PGGT1B: variants seen among roughly 807,000 people sequenced by gnomAD.
PGGT1B encodes the protein protein geranylgeranyltransferase type I subunit beta, also known as geranylgeranyl transferase type-1 subunit beta.
A neutral mutation model predicts 46.1 loss-of-function variants in PGGT1B; 30 were observed. The ratio of observed to expected loss-of-function variants is 0.65; its 90% CI spans 0.49 to 0.88. PGGT1B has a LOEUF of 0.88. PGGT1B is among the 40% of genes least tolerant of loss of function. The pLI, the probability that PGGT1B is intolerant of heterozygous loss-of-function variation, is 0.00. For synonymous variants in PGGT1B, 170 were observed against 160.0 expected, an observed-to-expected ratio of 1.06 and a Z score of -0.47; for missense variants, 376 against 455.9, an observed-to-expected ratio of 0.82 and a Z score of 1.60.
At position 115,212,374 on chromosome 5, in the gene PGGT1B, T is replaced by TACCCC; in HGVS notation, c.*27_*28insGGGGT. On this transcript the variant is annotated 3_prime_UTR_variant, in exon 9 of 9. Coordinates refer to ENST00000419445, the MANE Select transcript of PGGT1B (RefSeq NM_005023.4). ...ACTTGAGCTACAGTTATGCTACAAA[T>TACCCC]CCCCCCACCCTCCCAATCTAAAATC... 6.4e-7 allele frequency: 1 copy of TACCCC among 1,554,738 alleles called. No individual in the cohort carries two copies. The highest frequency in any genetic ancestry group is 8.8e-7 in the Non-Finnish European group (1 of 1,131,912).
intron 5 of PGGT1B, among the ~76,000 whole-genome samples, chr5:115,232,243 G>C (rs1352960213): frequency 6.6e-6 from 1 of 152,048 alleles, no homozygotes; most frequent in East Asian, 1.9e-4. Context: ...GAAGAACTAA[G>C]TGAAGGTGAA....
At chr5:115,243,976 G>T (rs1181119962) in intron 2 of PGGT1B, among the ~76,000 whole-genome samples, 2 of 152,146 alleles carry the variant, frequency 1.3e-5, no homozygotes, top group Middle Eastern at 3.4e-3. Context: ...GAACGTTTCT[G>T]TGTTCGTCTG....
At chr5:115,237,802 T>C (rs1243721358) in intron 4 of PGGT1B, 56 bp downstream of exon 4, 8 of 1,468,576 alleles carry the variant, frequency 5.4e-6, no homozygotes, top group Non-Finnish European at 7.5e-6. Flanking sequence ...TATCCATTTT[T>C]TAGTTCCAAT....
chr5:115,231,054 G>A, intron 5 of PGGT1B, 33 bp from the exon 6 acceptor site: 3 of 1,182,702 alleles, frequency 2.5e-6, no homozygotes, highest in South Asian at 1.5e-5. Context: ...AGTTTAATAG[G>A]GAAATAATAA....
chr5:115,230,346 C>A (rs562412155), intron 6 of PGGT1B, among the ~76,000 whole-genome samples: 1 of 152,128 alleles, frequency 6.6e-6, no homozygotes, highest in South Asian at 2.1e-4. Flanking sequence ...CATGACCTGG[C>A]CTTTTTCTTT....
chr5:115,216,209 G>A (rs533827314), intron 8 of PGGT1B, among the ~76,000 whole-genome samples: 7 of 152,076 alleles, frequency 4.6e-5, no homozygotes, highest in Non-Finnish European at 7.4e-5. Flanking sequence ...GTGCAATCTC[G>A]GCTCACTGGA....
intron 1 of PGGT1B, among the ~76,000 whole-genome samples, chr5:115,258,653 C>G (rs1241652486): frequency 6.6e-6 from 1 of 152,202 alleles, no homozygotes; most frequent in African/African-American, 2.4e-5. Flanking sequence ...CAACAAAACA[C>G]TGGAACACAT....
At chr5:115,253,942 G>T (rs1015303172) in intron 1 of PGGT1B, among the ~76,000 whole-genome samples, 3 of 151,904 alleles carry the variant, frequency 2.0e-5, no homozygotes, top group Non-Finnish European at 4.4e-5. Flanking sequence ...TGAACACAAA[G>T]AATTTGTTAT....
intron 8 of PGGT1B, among the ~76,000 whole-genome samples, chr5:115,213,643 C>T (rs1180455733): frequency 4.0e-5 from 6 of 151,598 alleles, no homozygotes; most frequent in African/African-American, 9.7e-5. Flanking sequence ...TGGTGGCGTG[C>T]GCCTGTAGTT....
At chr5:115,259,763 G>C (rs1357910413) in intron 1 of PGGT1B, among the ~76,000 whole-genome samples, 1 of 151,558 alleles carries the variant, frequency 6.6e-6, no homozygotes, top group South Asian at 2.1e-4. Context: ...AGGCAGGAGA[G>C]AGGTTACAAC....
rs370184421 is a variant in PGGT1B, at chr5:115,207,120, A to T, written c.*5282T>A. The stretch of plus-strand genomic sequence containing the variant: ...ATTAAGTTTTCTTTTTACTTTTGCT[A>T]TCACAAAGGTGGTCTTCTCTTCAAG... On this transcript the variant is annotated 3_prime_UTR_variant, in exon 9 of 9. Coordinates refer to ENST00000419445, the MANE Select transcript of PGGT1B (RefSeq NM_005023.4). The T allele has an allele frequency of 6.9e-6, 1 of 144,332 alleles. No homozygotes were observed. Among genetic ancestry groups the T allele is most frequent in the Non-Finnish European group, 1.5e-5 (1 of 66,166 alleles). 8.9% of individuals were successfully genotyped at this position (144,332 alleles called of 1,614,324 possible).
chr5:115,223,432 C>T (rs1756649835), intron 6 of PGGT1B, among the ~76,000 whole-genome samples: 1 of 151,830 alleles, frequency 6.6e-6, no homozygotes, highest in Admixed American at 6.6e-5. Flanking sequence ...GGAGATTAGA[C>T]TAACAGAGAG....
In PGGT1B at chr5:115,205,294, C is replaced by A. The variant is rs1162805773; in HGVS notation, c.*7108G>T. Reference sequence around the variant, plus strand: ...AGATGCAAACATACATGAGTGAGGTCCCATGTACCAATCACCAACTGCTTT... The same window carrying A: ...AGATGCAAACATACATGAGTGAGGTACCATGTACCAATCACCAACTGCTTT... On this transcript the variant is annotated 3_prime_UTR_variant, in exon 9 of 9. Transcript: ENST00000419445. The A allele has an allele frequency of 6.6e-6, 1 of 152,124 alleles. No individual in the cohort carries two copies. The highest frequency in any genetic ancestry group is 1.5e-5 in the Non-Finnish European group (1 of 68,008). The allele number at this position is 152,124 out of a possible 1,614,324, so 9.4% of individuals were successfully genotyped here.
chr5:115,237,756 T>C (rs1757225838), intron 4 of PGGT1B, 102 bp downstream of exon 4: 8 of 954,450 alleles, frequency 8.4e-6, no homozygotes, highest in East Asian at 5.2e-5. Flanking sequence ...GGGGTTCTAA[T>C]AGAGTATGAT....
At chr5:115,259,448 G>A (rs1748456838) in intron 1 of PGGT1B, among the ~76,000 whole-genome samples, 1 of 152,152 alleles carries the variant, frequency 6.6e-6, no homozygotes, top group South Asian at 2.1e-4. Context: ...CCAGCACTTT[G>A]GGAGGCCGAG....
intron 1 of PGGT1B, among the ~76,000 whole-genome samples, chr5:115,258,870 C>T (rs913913227): frequency 2.0e-5 from 3 of 152,214 alleles, no homozygotes; most frequent in Non-Finnish European, 4.4e-5. Context: ...TCACACTCCT[C>T]AGCTATTGCA....
chr5:115,251,830 T>C (rs577567982), intron 2 of PGGT1B, among the ~76,000 whole-genome samples: 86 of 151,536 alleles, frequency 5.7e-4, no homozygotes, highest in Non-Finnish European at 1.5e-4. Context: ...GTACTTATAA[T>C]TAAAAAAAAA....
In PGGT1B at chr5:115,211,528, A is replaced by T. The variant is rs1472551230; in HGVS notation, c.*874T>A. On this transcript the variant is annotated 3_prime_UTR_variant, in exon 9 of 9. Coordinates refer to ENST00000419445, the MANE Select transcript of PGGT1B (RefSeq NM_005023.4). The stretch of plus-strand genomic sequence containing the variant: ...CTGGGGGCAATAAATTAAAAACTTC[A>T]AATGGCTAAAAATGAAAACACAAAG... 1.3e-5 allele frequency: 2 copies of T among 150,420 alleles called. No homozygotes were observed. Among genetic ancestry groups the T allele is most frequent in the Admixed American group, 6.7e-5 (1 of 15,024 alleles). 9.3% of individuals were successfully genotyped at this position (150,420 alleles called of 1,614,324 possible).
chr5:115,252,050 G>A (rs1317971840), intron 2 of PGGT1B, among the ~76,000 whole-genome samples: 1 of 152,068 alleles, frequency 6.6e-6, no homozygotes, highest in Non-Finnish European at 1.5e-5. Context: ...ACTTATCACA[G>A]CTCTTCTCTA....
Sources: gnomAD v4.1 joint callset for allele counts (sites outside exome capture counted in the v4.1 genomes callset) on GRCh38, gnomAD v4.1.1 for gene constraint, MANE v1.5 for transcripts, NCBI Gene and HGNC (gene_info 2026-07-23, HGNC 2026-07-21) for gene names.